ZFHX3: variants seen among roughly 807,000 people sequenced by gnomAD.
The protein encoded by ZFHX3 is zinc finger homeobox protein 3.
Under a neutral mutation model 279.1 loss-of-function variants are expected in ZFHX3, and 42 were observed. The observed-to-expected ratio is 0.15, with a 90% CI of 0.12 to 0.19. ZFHX3 has a LOEUF of 0.19. ZFHX3 is among the 10% of genes least tolerant of loss of function. ZFHX3 has a pLI of 1.00. For missense variants in ZFHX3, 4,981 were observed against 4,754.0 expected (o/e 1.05, Z -1.40); for synonymous variants, 2,293 against 1,957.8 (o/e 1.17, Z -4.52).
chr16:72,999,004 C>A (rs1227480517), intron 1 of ZFHX3, among the ~76,000 whole-genome samples: 2 of 152,298 alleles, frequency 1.3e-5, no homozygotes, highest in African/African-American at 2.4e-5. Context: ...TCTGTAGTAG[C>A]CACATAAACA....
intron 7 of ZFHX3, among the ~76,000 whole-genome samples, chr16:73,130,098 GT>G (rs1477928267): frequency 6.6e-6 from 1 of 152,122 alleles, no homozygotes; most frequent in Non-Finnish European, 1.5e-5. Flanking sequence ...ATTCCACTGG[GT>G]TCTGTTATCC....
intron 2 of ZFHX3, among the ~76,000 whole-genome samples, chr16:73,635,714 C>T (rs1186227925): frequency 4.6e-5 from 7 of 152,090 alleles, no homozygotes; most frequent in South Asian, 2.1e-4. Flanking sequence ...TGACCACTGG[C>T]GATCTCACTA....
Position 73,238,612 on chromosome 16 carries a change from T to C in ZFHX3, c.-1104+18435A>G, listed in dbSNP as rs565853297. On this transcript the variant is annotated intron_variant, in intron 5 of 17. Coordinates refer to the ZFHX3 transcript ENST00000641206. ...CCCACAATGCCTTCTCTGTACTATG[T>C]CTAATTGACCTACAGAAAGTGCAAA... is the stretch of plus-strand genomic sequence containing the variant. Among the ~76,000 whole-genome samples the C allele has an allele frequency of 1.9e-4, 29 of 152,320 alleles. 1 individual carries two copies. The highest frequency in any genetic ancestry group is 1.1e-3 in the Admixed American group (17 of 15,294).
At chr16:73,026,890 G>C (rs936556943) in intron 1 of ZFHX3, among the ~76,000 whole-genome samples, 3 of 152,294 alleles carry the variant, frequency 2.0e-5, no homozygotes, top group African/African-American at 7.2e-5. Flanking sequence ...CACACAGCTA[G>C]TTAGCAGTAG....
At chr16:73,049,469 C>A (rs1318097073), upstream of ZFHX3, among the ~76,000 whole-genome samples, 1 of 152,214 alleles carries the variant, frequency 6.6e-6, no homozygotes, top group Non-Finnish European at 1.5e-5. Flanking sequence ...ACCATCACAT[C>A]CCCGTATAGA....
At chr16:73,499,212 C>G (rs578069023) in intron 2 of ZFHX3, 2 of 152,286 alleles carry the variant, frequency 1.3e-5, no homozygotes, top group East Asian at 3.9e-4. Flanking sequence ...TGTTGGGTCA[C>G]AGACAACAAA....
chr16:73,321,629 C>T (rs960684776), intron 3 of ZFHX3, among the ~76,000 whole-genome samples: 2 of 152,214 alleles, frequency 1.3e-5, no homozygotes, highest in Admixed American at 6.5e-5. Context: ...GAATAGGATG[C>T]AGCTTGGACA....
At chr16:72,845,772 C>T (rs2037464340) in intron 4 of ZFHX3, among the ~76,000 whole-genome samples, 11 of 152,152 alleles carry the variant, frequency 7.2e-5, no homozygotes, top group Admixed American at 7.2e-4. Context: ...GGAAAGCCTC[C>T]ATTGGCTTAA....
At chr16:73,098,216 G>C (rs1439878742) in intron 7 of ZFHX3, among the ~76,000 whole-genome samples, 1 of 150,232 alleles carries the variant, frequency 6.7e-6, no homozygotes, top group Admixed American at 6.6e-5. Flanking sequence ...TACAAGCATG[G>C]GCCACCAGAC....
chr16:73,051,702 T>C (rs1030169488), upstream of ZFHX3, among the ~76,000 whole-genome samples: 1 of 152,016 alleles, frequency 6.6e-6, no homozygotes, highest in Non-Finnish European at 1.5e-5. Flanking sequence ...TTTCGGAGAG[T>C]TTTTCTAAAT....
chr16:72,796,600 T>C lies in ZFHX3; in HGVS notation c.6082A>G (p.Lys2028Glu), dbSNP rs1053190800. ...FAKQYRDHYD[K>E]LYPLRPQTPE... is the part of the protein sequence containing the mutation. ...GTCTGGGGCCTCAGTGGGTACAGTT[T>C]ATCGTAGTGGTCTCTGTACTGTTTG... Residue 2028 changes from lysine to glutamate, a missense_variant, in exon 9 of 10, where the codon AAA becomes GAA. By Grantham distance (56) the Lys-to-Glu change is moderately conservative. This residue lies in a region of ZFHX3 where 1,751 missense variants were observed against 1,770.0 expected (regional missense o/e 0.99). Coordinates refer to ENST00000268489, the MANE Select transcript of ZFHX3 (RefSeq NM_006885.4). 2 of 1,613,810 alleles carry C rather than the reference T, an allele frequency of 1.2e-6. No homozygotes were observed. Among genetic ancestry groups the C allele is most frequent in the African/African-American group, 1.3e-5 (1 of 74,842 alleles).
At chr16:73,705,835 T>A (rs540836857) in intron 1 of ZFHX3, among the ~76,000 whole-genome samples, 1 of 152,294 alleles carries the variant, frequency 6.6e-6, no homozygotes, top group South Asian at 2.1e-4. Context: ...TGGACCCATA[T>A]CCAATTTATG....
intron 4 of ZFHX3, among the ~76,000 whole-genome samples, chr16:73,262,662 G>C (rs2013858396): frequency 6.6e-6 from 1 of 152,166 alleles, no homozygotes; most frequent in Non-Finnish European, 1.5e-5. Flanking sequence ...GTAGATTGCA[G>C]ACAGGCACAA....
At chr16:73,470,061 C>T (rs536640154) in intron 2 of ZFHX3, among the ~76,000 whole-genome samples, 33 of 152,262 alleles carry the variant, frequency 2.2e-4, no homozygotes, top group African/African-American at 7.7e-4. Flanking sequence ...TATTCATCAC[C>T]TTGGGAGGGC....
At chr16:72,935,088 C>A (rs1039582190) in intron 3 of ZFHX3, among the ~76,000 whole-genome samples, 1 of 152,196 alleles carries the variant, frequency 6.6e-6, no homozygotes. Context: ...TATGTATGTG[C>A]TGGGTCACTC....
chr16:73,344,346 C>T (rs187330662), intron 3 of ZFHX3, among the ~76,000 whole-genome samples: 116 of 152,248 alleles, frequency 7.6e-4, no homozygotes, highest in African/African-American at 2.5e-3. Context: ...ATGGTCTGTA[C>T]TCTTCAAAAA....
chr16:72,834,834 C>G (rs1047013025), intron 4 of ZFHX3, among the ~76,000 whole-genome samples: 2 of 152,118 alleles, frequency 1.3e-5, no homozygotes, highest in Non-Finnish European at 2.9e-5. Flanking sequence ...TACTATTTTC[C>G]CAAATAATGG....
chr16:73,044,065 C>A (rs964902540), intron 1 of ZFHX3, among the ~76,000 whole-genome samples: 1 of 152,092 alleles, frequency 6.6e-6, no homozygotes, highest in Non-Finnish European at 1.5e-5. Flanking sequence ...AGAACAGGCG[C>A]CCTTTATGAT....
intron 5 of ZFHX3, among the ~76,000 whole-genome samples, chr16:73,222,347 G>A (rs1245473631): frequency 6.6e-6 from 1 of 151,838 alleles, no homozygotes; most frequent in African/African-American, 2.4e-5. Flanking sequence ...AGCCCTCCTG[G>A]AACTAATAAG....
Sources: allele counts gnomAD v4.1 joint callset (sites outside exome capture counted in the v4.1 genomes callset), GRCh38; gene constraint gnomAD v4.1.1; regional missense constraint gnomAD v4.1.1; transcripts MANE v1.5; gene names NCBI Gene and HGNC (gene_info 2026-07-23, HGNC 2026-07-21).